GRIN3A: variants seen among roughly 807,000 people sequenced by gnomAD.
GRIN3A encodes the protein glutamate ionotropic receptor NMDA type subunit 3A.
GRIN3A carries 47 observed loss-of-function variants against 92.4 expected under a neutral mutation model. That is an observed-to-expected ratio of 0.51 (90% CI 0.40 to 0.65). The LOEUF (loss-of-function observed/expected upper bound fraction) is 0.65, where lower values mean the gene tolerates loss of function less well. Ranked by LOEUF, GRIN3A falls within the 30% of genes least tolerant of loss-of-function variation. The pLI is 0.00. For missense variants in GRIN3A, 1,324 were observed against 1,393.1 expected (o/e 0.95, Z 0.79); for synonymous variants, 527 against 540.6 (o/e 0.97, Z 0.35).
intron 6 of GRIN3A, chr9:101,592,007 C>G (rs1000079271): frequency 6.6e-6 from 1 of 152,204 alleles, no homozygotes; most frequent in Non-Finnish European, 1.5e-5. Flanking sequence ...TAATGCCTCT[C>G]TTTAATGACA....
At chr9:101,614,596 T>TA (rs1195916261) in intron 5 of GRIN3A, among the ~76,000 whole-genome samples, 1 of 149,306 alleles carries the variant, frequency 6.7e-6, no homozygotes, top group East Asian at 2.0e-4. Context: ...TATATATGCA[T>TA]ATATATGTGA....
chr9:101,691,646 T>A (rs916618110), intron 1 of GRIN3A, among the ~76,000 whole-genome samples: 1 of 152,218 alleles, frequency 6.6e-6, no homozygotes, highest in Non-Finnish European at 1.5e-5. Context: ...GATAAATGGT[T>A]GGAGCCACCA....
chr9:101,680,450 T>G (rs1459324793), intron 2 of GRIN3A, among the ~76,000 whole-genome samples: 2 of 152,210 alleles, frequency 1.3e-5, no homozygotes, highest in African/African-American at 4.8e-5. Context: ...CCAGTGAGTA[T>G]TGATATTGCT....
intron 1 of GRIN3A, among the ~76,000 whole-genome samples, chr9:101,703,912 C>G (rs747711183): frequency 6.6e-6 from 1 of 152,154 alleles, no homozygotes; most frequent in Non-Finnish European, 1.5e-5. Context: ...GTCTCTTCAT[C>G]AACATCTCCA....
intron 3 of GRIN3A, among the ~76,000 whole-genome samples, chr9:101,635,378 G>C (rs529655635): frequency 6.6e-6 from 1 of 152,304 alleles, no homozygotes; most frequent in East Asian, 1.9e-4. Context: ...CACTACAACA[G>C]TAGAGGTGAG....
At chr9:101,693,596 A>T (rs913075515) in intron 1 of GRIN3A, among the ~76,000 whole-genome samples, 1 of 152,142 alleles carries the variant, frequency 6.6e-6, no homozygotes, top group African/African-American at 2.4e-5. Flanking sequence ...CTAAAGGCCC[A>T]TGGAATAAAG....
intron 2 of GRIN3A, among the ~76,000 whole-genome samples, chr9:101,684,168 T>G (rs1829500683): frequency 6.6e-6 from 1 of 150,806 alleles, no homozygotes; most frequent in South Asian, 2.1e-4. Context: ...AGTGGCACGA[T>G]CTCGGCTCAC....
intron 3 of GRIN3A, among the ~76,000 whole-genome samples, chr9:101,653,090 A>C (rs532346604): frequency 6.6e-6 from 1 of 151,908 alleles, no homozygotes; most frequent in African/African-American, 2.4e-5. Context: ...GTTCATTTTT[A>C]CTCCAAGTAT....
intron 6 of GRIN3A, among the ~76,000 whole-genome samples, chr9:101,579,746 C>A (rs933460731): frequency 2.0e-5 from 3 of 152,134 alleles, no homozygotes; most frequent in African/African-American, 7.2e-5. Flanking sequence ...AGCCATAATT[C>A]ATTCTTAAGA....
At chr9:101,677,646 T>G (rs1588278737) in intron 2 of GRIN3A, among the ~76,000 whole-genome samples, 2 of 152,200 alleles carry the variant, frequency 1.3e-5, no homozygotes, top group Admixed American at 6.6e-5. Context: ...GATGGCGAGT[T>G]GTTACTAGTT....
chr9:101,722,315 G>A (rs1830023054), intron 1 of GRIN3A, among the ~76,000 whole-genome samples: 1 of 152,230 alleles, frequency 6.6e-6, no homozygotes, highest in Non-Finnish European at 1.5e-5. Flanking sequence ...ATGCCTGGAT[G>A]CCCAGGCAAA....
At chr9:101,618,475 T>TGCAAA (rs1828499651) in intron 5 of GRIN3A, among the ~76,000 whole-genome samples, 1 of 152,038 alleles carries the variant, frequency 6.6e-6, no homozygotes, top group Non-Finnish European at 1.5e-5. Flanking sequence ...ATCAGAGAAA[T>TGCAAA]GCAAATCAAA....
chr9:101,628,491 A>G, intron 3 of GRIN3A, 90 bp from the exon 4 acceptor site: 10 of 1,351,232 alleles, frequency 7.4e-6, no homozygotes, highest in Non-Finnish European at 1.0e-5. Flanking sequence ...AAACTTAATA[A>G]TAATTCGGAA....
intron 1 of GRIN3A, among the ~76,000 whole-genome samples, chr9:101,710,263 A>C (rs1225930765): frequency 6.6e-6 from 1 of 152,180 alleles, no homozygotes; most frequent in African/African-American, 2.4e-5. Context: ...AAAAAATCTT[A>C]AATGACAGAT....
chr9:101,663,073 T>A (rs1192266189), intron 3 of GRIN3A, among the ~76,000 whole-genome samples: 1 of 151,788 alleles, frequency 6.6e-6, no homozygotes, highest in Non-Finnish European at 1.5e-5. Flanking sequence ...AATGTCATAG[T>A]TGATGAGACA....
At chr9:101,674,709 T>C (rs1002014670) in intron 2 of GRIN3A, among the ~76,000 whole-genome samples, 1 of 152,118 alleles carries the variant, frequency 6.6e-6, no homozygotes, top group Non-Finnish European at 1.5e-5. Flanking sequence ...CCATTCTCTG[T>C]GCTGATCAGA....
At chr9:101,579,113 G>T in intron 7 of GRIN3A, 83 bp downstream of exon 7, 3 of 1,414,102 alleles carry the variant, frequency 2.1e-6, no homozygotes, top group South Asian at 2.3e-5. Context: ...TAACTTAGTA[G>T]TCTGACATAG....
At chr9:101,631,263 C>CCG in intron 3 of GRIN3A, among the ~76,000 whole-genome samples, 1 of 152,302 alleles carries the variant, frequency 6.6e-6, no homozygotes, top group African/African-American at 2.4e-5. Context: ...TAATTGATAA[C>CCG]TGTTCTTTGA....
chr9:101,602,135 G>C (rs560756931), intron 6 of GRIN3A, among the ~76,000 whole-genome samples: 2 of 152,274 alleles, frequency 1.3e-5, no homozygotes, highest in Non-Finnish European at 2.9e-5. Flanking sequence ...AAAGGCTCCA[G>C]GGCTCTCTCA....
Sources: allele counts gnomAD v4.1 joint callset (sites outside exome capture counted in the v4.1 genomes callset), GRCh38; gene constraint gnomAD v4.1.1; transcripts MANE v1.5; gene names NCBI Gene and HGNC (gene_info 2026-07-23, HGNC 2026-07-21).